Variants in KLHL29 observed in about 807,000 individuals in gnomAD.
KLHL29 encodes kelch like family member 29, also known as kelch-like protein 29.
Under a neutral mutation model 80.4 loss-of-function variants are expected in KLHL29, and 21 were observed. The observed-to-expected ratio is 0.26, with a 90% CI of 0.19 to 0.38. The LOEUF is 0.38. Ranked by LOEUF, KLHL29 falls within the 10% of genes least tolerant of loss-of-function variation. The probability of loss-of-function intolerance (pLI) is 1.00; values close to 1 mark genes in which losing one functional copy is unlikely to be tolerated. For synonymous variants in KLHL29, 511 were observed against 526.8 expected (o/e 0.97, Z 0.41); for missense variants, 867 against 1,223.9 (o/e 0.71, Z 4.35).
At chr2:23,597,638 T>C (rs1668462490) in intron 3 of KLHL29, among the ~76,000 whole-genome samples, 1 of 151,816 alleles carries the variant, frequency 6.6e-6, no homozygotes, top group African/African-American at 2.4e-5. Flanking sequence ...TCGGCCAGAC[T>C]GGTTTTGAAC....
intron 2 of KLHL29, among the ~76,000 whole-genome samples, chr2:23,493,260 G>A (rs1055380717): frequency 6.6e-6 from 1 of 152,136 alleles, no homozygotes; most frequent in Non-Finnish European, 1.5e-5. Flanking sequence ...TGCTGTTTAA[G>A]AGGGATTTAT....
In KLHL29 at chr2:23,457,888, C is replaced by G. The variant is rs542369960; in HGVS notation, c.-153-17672C>G. ...ATTAGCCAGGCGTGGTGGCGGGCAC[C>G]TGTAATCCCAGCTACTCGGGAGGTT... is the stretch of plus-strand genomic sequence containing the variant. On this transcript the variant is annotated intron_variant, in intron 1 of 13. Coordinates refer to ENST00000486442, the MANE Select transcript of KLHL29 (RefSeq NM_052920.2). The surrounding 1 kb of genome is among the most constrained non-coding windows in gnomAD (Gnocchi z 4.3). Among the ~76,000 whole-genome samples, 90 of 152,264 alleles carry G rather than the reference C, an allele frequency of 5.9e-4. No homozygotes were observed. Among genetic ancestry groups the G allele is most frequent in the African/African-American group, 2.1e-3 (86 of 41,560 alleles).
At chr2:23,454,793 A>T (rs1663996403) in intron 1 of KLHL29, among the ~76,000 whole-genome samples, 2 of 150,654 alleles carry the variant, frequency 1.3e-5, no homozygotes, top group South Asian at 4.2e-4. Context: ...TTCCTCAATG[A>T]TTTTTTTTTA....
At chr2:23,637,057 G>A (rs945867070) in intron 3 of KLHL29, among the ~76,000 whole-genome samples, 2 of 152,198 alleles carry the variant, frequency 1.3e-5, no homozygotes, top group African/African-American at 4.8e-5. Flanking sequence ...GTGGAGAGGG[G>A]CTGCAACACC....
At chr2:23,470,069 ACC>A (rs1190218058) in intron 1 of KLHL29, among the ~76,000 whole-genome samples, 3 of 151,766 alleles carry the variant, frequency 2.0e-5, no homozygotes, top group Non-Finnish European at 2.9e-5. Flanking sequence ...TTTTCCTGAA[ACC>A]TTTCATGCTG....
chr2:23,545,516 A>C (rs1666959358), intron 2 of KLHL29, among the ~76,000 whole-genome samples: 1 of 152,220 alleles, frequency 6.6e-6, no homozygotes, highest in Admixed American at 6.5e-5. Flanking sequence ...GGGTGTCCCC[A>C]GGCCAGGAGG....
intron 2 of KLHL29, among the ~76,000 whole-genome samples, chr2:23,496,069 C>G (rs528136787): frequency 8.1e-4 from 123 of 152,368 alleles, no homozygotes; most frequent in African/African-American, 2.9e-3. Flanking sequence ...AACATGGCCA[C>G]CCGTGTGTCC....
intron 2 of KLHL29, among the ~76,000 whole-genome samples, chr2:23,500,656 T>C (rs1665412295): frequency 6.6e-6 from 1 of 152,204 alleles, no homozygotes; most frequent in Non-Finnish European, 1.5e-5. Context: ...TTTAAAAACC[T>C]GTTTGGAGCT....
intron 2 of KLHL29, among the ~76,000 whole-genome samples, chr2:23,485,346 A>C (rs1664907404): frequency 6.6e-6 from 1 of 152,220 alleles, no homozygotes; most frequent in African/African-American, 2.4e-5. Flanking sequence ...TAAATGAATG[A>C]TCTAAAGTGG....
chr2:23,619,415 A>G (rs1435553057), intron 3 of KLHL29, among the ~76,000 whole-genome samples: 1 of 152,050 alleles, frequency 6.6e-6, no homozygotes, highest in African/African-American at 2.4e-5. Flanking sequence ...AGTGGGGAGA[A>G]ATGGGTGAGG....
At position 23,387,545 on chromosome 2, in the gene KLHL29, T is replaced by TATTATTATG. The variant is rs564799808; in HGVS notation, c.-154+1767_-154+1768insTATTATGAT. Among the ~76,000 whole-genome samples the TATTATTATG allele has an allele frequency of 5.0e-5, 7 of 139,584 alleles. No individual in the cohort carries two copies. The East Asian group carries it at 1.2e-3, about 25-fold the overall frequency. 91.6% of individuals were successfully genotyped at this position (139,584 alleles called of 152,430 possible). On this transcript the variant is annotated intron_variant, in intron 1 of 13. Transcript: ENST00000486442. ...TTATTATTATTATTATTATTATTAT[T>TATTATTATG]ATGGAAAGAAGGTATAGAGCTTTTT...
At chr2:23,473,930 A>G (rs1664562798) in intron 1 of KLHL29, among the ~76,000 whole-genome samples, 1 of 152,088 alleles carries the variant, frequency 6.6e-6, no homozygotes, top group African/African-American at 2.4e-5. Flanking sequence ...TTAGGGCCAG[A>G]TGCCCACACG....
intron 2 of KLHL29, among the ~76,000 whole-genome samples, chr2:23,481,727 C>T (rs903560376): frequency 2.0e-5 from 3 of 152,210 alleles, no homozygotes; most frequent in Non-Finnish European, 4.4e-5. Context: ...ACCAGCCTGA[C>T]TGACATGGCG....
chr2:23,580,006 T>C (rs946103838), intron 3 of KLHL29, among the ~76,000 whole-genome samples: 1 of 152,242 alleles, frequency 6.6e-6, no homozygotes, highest in African/African-American at 2.4e-5. Flanking sequence ...TTAACCATTG[T>C]GTGGCCTCTT....
chr2:23,612,972 A>T (rs1399368664), intron 3 of KLHL29, among the ~76,000 whole-genome samples: 1 of 151,474 alleles, frequency 6.6e-6, no homozygotes, highest in African/African-American at 2.4e-5. Flanking sequence ...AAAGGCTTAG[A>T]AATGGGGTGG....
chr2:23,629,364 G>C (rs930027612), intron 3 of KLHL29, among the ~76,000 whole-genome samples: 10 of 151,920 alleles, frequency 6.6e-5, no homozygotes, highest in African/African-American at 2.4e-4. Flanking sequence ...ACTTTCGTTT[G>C]TGATGGGCTT....
At chr2:23,434,798 G>C (rs1663291754) in intron 1 of KLHL29, among the ~76,000 whole-genome samples, 1 of 152,136 alleles carries the variant, frequency 6.6e-6, no homozygotes, top group African/African-American at 2.4e-5. Flanking sequence ...TTCTCCTCGG[G>C]GCCCGTGGGC....
chr2:23,585,000 T>G (rs1373617398), intron 3 of KLHL29, among the ~76,000 whole-genome samples: 2 of 152,120 alleles, frequency 1.3e-5, no homozygotes, highest in African/African-American at 4.8e-5. Context: ...CCTCCCAAAG[T>G]GCTGGGATTA....
Position 23,703,190 on chromosome 2 carries a change from G to T in KLHL29, c.2110G>T (p.Asp704Tyr). 6.9e-7 allele frequency: 1 copy of T among 1,441,340 alleles called. No homozygotes were observed. The highest frequency in any genetic ancestry group is 9.2e-7 in the Non-Finnish European group (1 of 1,091,646). The allele number at this position is 1,441,340 out of a possible 1,614,324, so 89.3% of individuals were successfully genotyped here. The change falls in exon 12 of 14, where the codon GAC becomes TAC. Residue 704 changes from aspartate (D) to tyrosine (Y), a missense_variant. Transcript: ENST00000486442. ...TCTTTTTCTCCTCTCCTGCAGGTAC[G>T]ACACCATCACCAACCAATGGGAGGC... Reference protein sequence around the residue: ...AGNVDHVERYDTITNQWEAVA... With the variant: ...AGNVDHVERYYTITNQWEAVA...
Sources: allele counts gnomAD v4.1 joint callset (sites outside exome capture counted in the v4.1 genomes callset), GRCh38; gene constraint gnomAD v4.1.1; non-coding constraint Gnocchi (gnomAD v3.1); transcripts MANE v1.5; gene names NCBI Gene and HGNC (gene_info 2026-07-23, HGNC 2026-07-21).